The following DGKG variants were observed in gnomAD, a reference collection of about 807,000 sequenced individuals.
The protein encoded by DGKG is DAG kinase gamma.
A neutral mutation model predicts 105.3 loss-of-function variants in DGKG; 78 were observed. That is an observed-to-expected ratio of 0.74 (90% CI 0.62 to 0.89). The LOEUF (loss-of-function observed/expected upper bound fraction) is 0.89. Ranked by LOEUF, DGKG falls within the 40% of genes least tolerant of loss-of-function variation. The pLI is 0.00. For missense variants in DGKG, 958 were observed against 1,020.1 expected, an observed-to-expected ratio of 0.94 and a Z score of 0.83; for synonymous variants, 346 against 367.1, an observed-to-expected ratio of 0.94 and a Z score of 0.66.
At chr3:186,273,103 A>C (rs1175393960) in intron 10 of DGKG, among the ~76,000 whole-genome samples, 1 of 152,116 alleles carries the variant, frequency 6.6e-6, no homozygotes, top group South Asian at 2.1e-4. Flanking sequence ...TCTGAAATTC[A>C]GGGTTTTCTG....
At chr3:186,202,836 A>G (rs1718539894) in intron 21 of DGKG, among the ~76,000 whole-genome samples, 1 of 152,224 alleles carries the variant, frequency 6.6e-6, no homozygotes, top group African/African-American at 2.4e-5. Flanking sequence ...ATATCCCTCA[A>G]CAACTACTTT....
At chr3:186,197,683 A>G (rs1268536961) in intron 21 of DGKG, among the ~76,000 whole-genome samples, 2 of 152,210 alleles carry the variant, frequency 1.3e-5, no homozygotes, top group South Asian at 2.1e-4. Flanking sequence ...TGGTTTGGAC[A>G]TAGGAGAGTA....
At position 186,259,534 on chromosome 3, in the gene DGKG, G is replaced by A. The variant is rs114369848; in HGVS notation, c.1424+905C>T. 6.5e-3 allele frequency among the ~76,000 whole-genome samples: 985 copies of A among 152,298 alleles called. 17 individuals carry two copies. Among genetic ancestry groups the A allele is most frequent in the African/African-American group, 0.022 (916 of 41,568 alleles). Reference sequence around the variant, plus strand: ...CGCTGCCATAAACAATAGCTTTGGTGTCAGCCAACCAAAGACAGGGTCAAA... The same window carrying A: ...CGCTGCCATAAACAATAGCTTTGGTATCAGCCAACCAAAGACAGGGTCAAA... On this transcript the variant is annotated intron_variant, in intron 16 of 24. Transcript: ENST00000265022.
intron 21 of DGKG, among the ~76,000 whole-genome samples, chr3:186,211,374 G>T (rs529989768): frequency 6.6e-6 from 1 of 152,316 alleles, no homozygotes; most frequent in South Asian, 2.1e-4. Context: ...ATGTCTGGCT[G>T]CAGCCCCTAT....
chr3:186,223,614 T>TA (rs1001357439), intron 20 of DGKG, among the ~76,000 whole-genome samples: 17 of 152,258 alleles, frequency 1.1e-4, no homozygotes, highest in African/African-American at 4.1e-4. Flanking sequence ...TGTGCCAGTT[T>TA]AAAAAATCTT....
At chr3:186,314,565 G>A (rs1282232010) in intron 2 of DGKG, among the ~76,000 whole-genome samples, 1 of 152,026 alleles carries the variant, frequency 6.6e-6, no homozygotes, top group Non-Finnish European at 1.5e-5. Context: ...GACCAGCCTG[G>A]CCAACATGGT....
At chr3:186,349,236 A>G (rs1023160393) in intron 1 of DGKG, among the ~76,000 whole-genome samples, 15 of 152,058 alleles carry the variant, frequency 9.9e-5, no homozygotes, top group Non-Finnish European at 1.9e-4. Flanking sequence ...TCTTTTCCTG[A>G]AAAATTCTGT....
At chr3:186,268,691 G>T (rs1391541968) in intron 12 of DGKG, 110 bp downstream of exon 12, 2 of 738,856 alleles carry the variant, frequency 2.7e-6, no homozygotes, top group Non-Finnish European at 4.7e-6. Flanking sequence ...TCCTAGCCTC[G>T]CTCCCCTGGC....
At position 186,284,727 on chromosome 3, in the gene DGKG, G is replaced by A. The variant is rs961945792; in HGVS notation, c.545-18C>T. 2 of 1,613,018 alleles carry A rather than the reference G, an allele frequency of 1.2e-6. No homozygotes were observed. The highest frequency in any genetic ancestry group is 2.7e-5 in the African/African-American group (2 of 74,884). On this transcript the variant is annotated intron_variant, in intron 6 of 24. Coordinates refer to ENST00000265022, the MANE Select transcript of DGKG (RefSeq NM_001346.3). This position sits in a 1 kb window ranked among gnomAD's most constrained non-coding sequence, Gnocchi z 4.0. ...AAACATGACTGTAAGAAACACAGAG[G>A]TAAGCCTTGAGGTGTCCTCTAAGAA...
chr3:186,249,213 G>A (rs968585996), intron 19 of DGKG, among the ~76,000 whole-genome samples: 3 of 152,080 alleles, frequency 2.0e-5, no homozygotes, highest in Non-Finnish European at 4.4e-5. Context: ...AGCTGAGGCC[G>A]GGGATCCAGT....
At chr3:186,288,926 T>C in intron 5 of DGKG, 46 bp from the exon 6 acceptor site, 1 of 1,500,424 alleles carries the variant, frequency 6.7e-7, no homozygotes, top group Non-Finnish European at 8.9e-7. Context: ...TTCTGTTTAG[T>C]AAATATTAAC....
chr3:186,263,162 AAAACAC>A (rs1560121822), intron 14 of DGKG, among the ~76,000 whole-genome samples: 8 of 145,810 alleles, frequency 5.5e-5, no homozygotes, highest in African/African-American at 7.7e-5. Context: ...AAACAAACAA[AAAACAC>A]CACCACCACC....
At chr3:186,186,626 G>C (rs952582651) in intron 22 of DGKG, among the ~76,000 whole-genome samples, 2 of 152,290 alleles carry the variant, frequency 1.3e-5, no homozygotes, top group Admixed American at 1.3e-4. Context: ...GAAAACTGGG[G>C]TGCCAAAAAT....
chr3:186,272,965 G>A (rs1722389903), intron 10 of DGKG, among the ~76,000 whole-genome samples: 1 of 152,102 alleles, frequency 6.6e-6, no homozygotes, highest in South Asian at 2.1e-4. Flanking sequence ...CTGACCTCAG[G>A]TGACCCACCC....
intron 21 of DGKG, among the ~76,000 whole-genome samples, chr3:186,200,913 G>A (rs899200861): frequency 6.6e-6 from 1 of 152,196 alleles, no homozygotes; most frequent in African/African-American, 2.4e-5. Context: ...GGGCACAATG[G>A]TGCCTTTGAG....
chr3:186,242,837 C>T (rs1248533684), intron 19 of DGKG, among the ~76,000 whole-genome samples: 1 of 152,118 alleles, frequency 6.6e-6, no homozygotes, highest in African/African-American at 2.4e-5. Flanking sequence ...CCGCTGAGAA[C>T]AGATAGATAG....
chr3:186,229,196 C>T (rs1720007198), intron 20 of DGKG, among the ~76,000 whole-genome samples: 1 of 151,620 alleles, frequency 6.6e-6, no homozygotes, highest in African/African-American at 2.4e-5. Context: ...CATTCTCTCT[C>T]AGAGCCTGGG....
At chr3:186,238,337 A>C (rs1387771615) in intron 20 of DGKG, among the ~76,000 whole-genome samples, 4 of 151,910 alleles carry the variant, frequency 2.6e-5, no homozygotes, top group African/African-American at 9.7e-5. Flanking sequence ...TCCCCCAAAA[A>C]GAAAACAATC....
chr3:186,257,049 T>G (rs1721510254), intron 17 of DGKG, among the ~76,000 whole-genome samples: 1 of 152,236 alleles, frequency 6.6e-6, no homozygotes. Flanking sequence ...TGGGGAGAGC[T>G]TGACACATCA....
Sources: gnomAD v4.1 joint callset for allele counts (sites outside exome capture counted in the v4.1 genomes callset) on GRCh38, gnomAD v4.1.1 for gene constraint, Gnocchi (gnomAD v3.1) non-coding constraint, MANE v1.5 for transcripts, NCBI Gene and HGNC (gene_info 2026-07-23, HGNC 2026-07-21) for gene names.